The following MAST4 variants were observed in gnomAD, a reference collection of about 807,000 sequenced individuals.
MAST4 encodes the protein microtubule associated serine/threonine kinase family member 4, also known as microtubule-associated serine/threonine-protein kinase 4.
Under a neutral mutation model 162.7 loss-of-function variants are expected in MAST4, and 89 were observed. The observed-to-expected ratio is 0.55, with a 90% CI of 0.46 to 0.65. The LOEUF (loss-of-function observed/expected upper bound fraction) is 0.65, where lower values mean the gene tolerates loss of function less well. Among genes scored for constraint, MAST4 ranks in the 30% least tolerant of loss-of-function variants. The pLI is 0.00. For missense variants in MAST4, 3,153 were observed against 3,374.0 expected (o/e 0.93, Z 1.62); for synonymous variants, 1,479 against 1,361.1 (o/e 1.09, Z -1.91).
intron 1 of MAST4, among the ~76,000 whole-genome samples, chr5:66,713,917 T>C (rs1018013131): frequency 3.9e-5 from 6 of 152,230 alleles, no homozygotes; most frequent in African/African-American, 1.2e-4. Flanking sequence ...AGCTGAAATT[T>C]ATTTCCGTGT....
chr5:66,991,183 T>C (rs1750032145), intron 4 of MAST4, among the ~76,000 whole-genome samples: 2 of 152,244 alleles, frequency 1.3e-5, no homozygotes, highest in South Asian at 2.1e-4. Context: ...ATTTGTTCAC[T>C]GTTTCCCACT....
intron 5 of MAST4, among the ~76,000 whole-genome samples, chr5:67,078,614 ATATATTTATATATTTATATT>A (rs1761969332): frequency 7.0e-6 from 1 of 143,118 alleles, no homozygotes; most frequent in Non-Finnish European, 1.5e-5. Flanking sequence ...AGCTGGAAAT[ATATATTTATATATTTATATT>A]TATATTTATA....
chr5:67,157,258 C>T (rs150274439), intron 26 of MAST4, among the ~76,000 whole-genome samples: 148 of 152,356 alleles, frequency 9.7e-4, no homozygotes, highest in African/African-American at 3.4e-3. Context: ...TTATTGTACT[C>T]TGCATCCTTT....
At chr5:67,043,456 T>TA (rs1314778468) in intron 4 of MAST4, among the ~76,000 whole-genome samples, 2 of 152,218 alleles carry the variant, frequency 1.3e-5, no homozygotes, top group East Asian at 3.8e-4. Context: ...TTTACTGTGT[T>TA]ATTTCCAAAA....
chr5:67,136,715 C>A, intron 19 of MAST4, 51 bp downstream of exon 19: 2 of 1,374,634 alleles, frequency 1.5e-6, no homozygotes, highest in Non-Finnish European at 2.0e-6. Flanking sequence ...ATAATGTCTA[C>A]ATGGAGCACT....
intron 4 of MAST4, among the ~76,000 whole-genome samples, chr5:67,010,588 A>G (rs1752551928): frequency 6.6e-6 from 1 of 152,218 alleles, no homozygotes; most frequent in Non-Finnish European, 1.5e-5. Context: ...TGAGAAATAC[A>G]TCAGATTAAT....
intron 5 of MAST4, among the ~76,000 whole-genome samples, chr5:67,057,349 G>A (rs1300426560): frequency 6.6e-6 from 1 of 152,068 alleles, no homozygotes; most frequent in African/African-American, 2.4e-5. Context: ...AAAAGATAAA[G>A]TTGCACTTTC....
rs755368936 is a variant in MAST4, at chr5:67,164,343, C to G, written c.5164C>G (p.Pro1722Ala). 5.0e-6 allele frequency: 8 copies of G among 1,613,834 alleles called. No individual in the cohort carries two copies. The highest frequency in any genetic ancestry group is 1.3e-5 in the African/African-American group (1 of 74,950). ...AGSHECLPGN[P>A]VRPTGGQQEP... The stretch of plus-strand genomic sequence containing the variant: ...CTCCCACGAATGCCTGCCAGGGAAC[C>G]CAGTCCGACCCACGGGTGGGCAGCA... Residue 1722 changes from proline to alanine, a missense_variant, in exon 29 of 29, where the codon CCA becomes GCA. This residue lies in a region of MAST4 where 1,644 missense variants were observed against 1,495.0 expected (regional missense o/e 1.10). Transcript: ENST00000403625. This position sits in a 1 kb window ranked among gnomAD's most constrained non-coding sequence, Gnocchi z 5.3.
intron 4 of MAST4, among the ~76,000 whole-genome samples, chr5:66,905,361 A>G (rs887427136): frequency 3.3e-5 from 5 of 151,976 alleles, no homozygotes; most frequent in Non-Finnish European, 5.9e-5. Context: ...CCAAGGCAGA[A>G]GCAGCTCCCA....
chr5:66,846,017 C>G (rs1266099551), intron 3 of MAST4, among the ~76,000 whole-genome samples: 2 of 152,122 alleles, frequency 1.3e-5, no homozygotes, highest in Non-Finnish European at 2.9e-5. Flanking sequence ...TCATTTCTAT[C>G]ACATACCCTT....
At position 66,883,480 on chromosome 5, in the gene MAST4, G is replaced by A. The variant is rs183271516; in HGVS notation, c.643-16471G>A. On this transcript the variant is annotated intron_variant, in intron 3 of 28. Coordinates refer to ENST00000403625, the MANE Select transcript of MAST4 (RefSeq NM_001164664.2). Reference sequence around the variant, plus strand: ...GTCTCCCTCTGTTGCCCAGGCTGGAGTGCAGTGGCGTGATCTCGGCTCACT... The same window carrying A: ...GTCTCCCTCTGTTGCCCAGGCTGGAATGCAGTGGCGTGATCTCGGCTCACT... Among the ~76,000 whole-genome samples the A allele has an allele frequency of 7.9e-3, 1,132 of 144,146 alleles. 21 individuals carry two copies. The highest frequency in any genetic ancestry group is 0.028 in the African/African-American group (1,071 of 38,840). 94.6% of individuals were successfully genotyped at this position (144,146 alleles called of 152,430 possible).
At chr5:67,044,259 A>G (rs2150504192) in intron 4 of MAST4, among the ~76,000 whole-genome samples, 1 of 152,270 alleles carries the variant, frequency 6.6e-6, no homozygotes, top group Middle Eastern at 3.4e-3. Context: ...TCTGAAATCC[A>G]AAAGCCATCT....
intron 1 of MAST4, among the ~76,000 whole-genome samples, chr5:66,731,851 A>C (rs1009993898): frequency 2.0e-5 from 3 of 151,988 alleles, no homozygotes; most frequent in African/African-American, 4.8e-5. Flanking sequence ...GTGCAAGAAC[A>C]AATTTCCTGT....
At chr5:67,111,054 T>G (rs1227228288) in intron 11 of MAST4, among the ~76,000 whole-genome samples, 1 of 152,138 alleles carries the variant, frequency 6.6e-6, no homozygotes. Flanking sequence ...ATTAAAATTA[T>G]ATGTTTTTGG....
intron 8 of MAST4, among the ~76,000 whole-genome samples, chr5:67,100,993 T>G (rs1212128746): frequency 5.9e-5 from 9 of 152,232 alleles, no homozygotes; most frequent in African/African-American, 2.2e-4. Context: ...ATATCTTTGT[T>G]CTTTCTTCCC....
intron 3 of MAST4, among the ~76,000 whole-genome samples, chr5:66,845,689 A>C (rs1464801668): frequency 6.6e-6 from 1 of 152,104 alleles, no homozygotes; most frequent in African/African-American, 2.4e-5. Flanking sequence ...GGATCGCCAC[A>C]CTGTCTTTCA....
chr5:67,002,111 A>C (rs1475105295), intron 4 of MAST4: 1 of 152,018 alleles, frequency 6.6e-6, no homozygotes, highest in Non-Finnish European at 1.5e-5. Flanking sequence ...CATGGGACTC[A>C]AAGGGAATTC....
chr5:67,095,825 G>A, intron 7 of MAST4, 150 bp downstream of exon 7: 1 of 521,760 alleles, frequency 1.9e-6, no homozygotes, highest in Non-Finnish European at 3.2e-6. Context: ...TCAAATGATG[G>A]CCTGACAAAA....
intron 3 of MAST4, among the ~76,000 whole-genome samples, chr5:66,798,038 A>C (rs1444741226): frequency 1.3e-5 from 2 of 152,144 alleles, no homozygotes; most frequent in African/African-American, 2.4e-5. Flanking sequence ...CCTTCACTTC[A>C]TTTTCCTAAG....
Sources: gnomAD v4.1 joint callset for allele counts (sites outside exome capture counted in the v4.1 genomes callset) on GRCh38, gnomAD v4.1.1 for gene constraint, gnomAD v4.1.1 regional missense constraint, Gnocchi (gnomAD v3.1) non-coding constraint, MANE v1.5 for transcripts, NCBI Gene and HGNC (gene_info 2026-07-23, HGNC 2026-07-21) for gene names.